LRRC9: variants seen among roughly 807,000 people sequenced by gnomAD.
The protein encoded by LRRC9 is leucine-rich repeat-containing protein 9.
Under a neutral mutation model 63.2 loss-of-function variants are expected in LRRC9, and 122 were observed. The ratio of observed to expected loss-of-function variants is 1.93; its 90% confidence interval spans 1.67 to 2.24. LRRC9 has a LOEUF of 2.24. Ranked by LOEUF, LRRC9 falls within the 30% of genes most tolerant of loss-of-function variation. The probability of loss-of-function intolerance (pLI) is 0.00; values close to 1 mark genes in which losing one functional copy is unlikely to be tolerated. For missense variants in LRRC9, 1,071 were observed against 627.7 expected, an observed-to-expected ratio of 1.71 and a Z score of -7.55; for synonymous variants, 366 against 213.1, an observed-to-expected ratio of 1.72 and a Z score of -6.25.
intron 29 of LRRC9, among the ~76,000 whole-genome samples, chr14:60,033,386 G>T (rs568884288): frequency 4.6e-5 from 7 of 152,064 alleles, no homozygotes; most frequent in Non-Finnish European, 7.4e-5. Flanking sequence ...AATTTCAAAA[G>T]AATGCTTTAA....
intron 13 of LRRC9, among the ~76,000 whole-genome samples, chr14:59,975,105 ATATATATG>A (rs1886034794): frequency 6.7e-5 from 1 of 15,006 alleles, no homozygotes; most frequent in Non-Finnish European, 1.9e-4. Flanking sequence ...ATATATACAT[ATATATATG>A]TATATATATA....
intron 28 of LRRC9, chr14:60,030,377 T>G (rs1891896636): frequency 6.6e-6 from 1 of 152,100 alleles, no homozygotes. Context: ...ATCGTCTTGC[T>G]TCTAAAGGAA....
In LRRC9 at chr14:59,966,361, C is replaced by T. The variant is rs191595634; in HGVS notation, c.1212-228C>T. Among the ~76,000 whole-genome samples, 2 of 152,238 alleles carry T rather than the reference C, an allele frequency of 1.3e-5. No individual in the cohort carries two copies. Among genetic ancestry groups the T allele is most frequent in the African/African-American group, 4.8e-5 (2 of 41,544 alleles). ...GAAGGCGTATGAAGTTTCCCTGAAGCTAAGAAAGTGTTTCAGAAAGTGAAG... is the reference window on the plus strand; with the variant it reads ...GAAGGCGTATGAAGTTTCCCTGAAGTTAAGAAAGTGTTTCAGAAAGTGAAG... On this transcript the variant is annotated intron_variant, in intron 10 of 31. Coordinates refer to ENST00000445360, the Ensembl canonical transcript of LRRC9. This position sits in a 1 kb window ranked among gnomAD's most constrained non-coding sequence, Gnocchi z 4.0.
rs1889659600 is a variant in LRRC9 at position 59,931,039 on chromosome 14, A to G, written c.389A>G (p.Asn130Ser). The G allele has an allele frequency of 1.0e-5, 4 of 392,554 alleles. No homozygotes were observed. In the East Asian group the frequency reaches 1.6e-4, roughly 15 times the overall value. 24.3% of individuals were successfully genotyped at this position (392,554 alleles called of 1,614,324 possible). Residue 130 changes from asparagine (N) to serine (S), a missense_variant, in exon 4 of 32, where the codon AAT becomes AGT. Physicochemically the swap from Asn to Ser is conservative, Grantham distance 46. Transcript: ENST00000445360. ...TTGAAGGTTCTTTGGCTGAACCACA[A>G]TACAATTAAAAATATTGAGGTAAGA...
intron 16 of LRRC9, among the ~76,000 whole-genome samples, chr14:59,983,195 C>T (rs945558025): frequency 3.3e-5 from 5 of 152,164 alleles, no homozygotes; most frequent in Non-Finnish European, 7.3e-5. Context: ...GCAAAATTCA[C>T]ATTATATTCT....
chr14:59,960,927 T>G (rs1288131992), exon 10 of LRRC9: 1 of 674,834 alleles, frequency 1.5e-6, no homozygotes, highest in South Asian at 1.6e-5. Context: ...TGAAGCAATT[T>G]ATCATATTGA....
intron 13 of LRRC9, among the ~76,000 whole-genome samples, chr14:59,975,116 T>A (rs558343906): frequency 5.6e-5 from 1 of 17,918 alleles, no homozygotes; most frequent in Admixed American, 1.3e-3. Flanking sequence ...TATATATGTA[T>A]ATATATATAT....
chr14:59,999,153 T>C (rs1190824651), exon 19 of LRRC9: 1 of 701,246 alleles, frequency 1.4e-6, no homozygotes, highest in Non-Finnish European at 2.6e-6. Context: ...CTTACCCATT[T>C]AAATGGAGTC....
chr14:60,013,850 AC>A (rs1350795795), intron 23 of LRRC9, among the ~76,000 whole-genome samples: 3 of 151,724 alleles, frequency 2.0e-5, no homozygotes, highest in Admixed American at 2.0e-4. Flanking sequence ...ATGTTCTTTT[AC>A]CTTTTAGCTA....
chr14:60,053,999 G>T lies in LRRC9; in HGVS notation c.4131+794G>T, dbSNP rs1894090798. ...TTATGAAGACCTGGACCACGGTAGA[G>T]AATATAAATGAATCTTTGATGTAAG... On this transcript the variant is annotated intron_variant, in intron 30 of 31. Transcript: ENST00000445360. This position sits in a 1 kb window ranked among gnomAD's most constrained non-coding sequence, Gnocchi z 4.8. 2.4e-6 allele frequency: 1 copy of T among 423,996 alleles called. No homozygotes were observed. Among genetic ancestry groups the T allele is most frequent in the South Asian group, 1.7e-5 (1 of 58,124 alleles). The allele number at this position is 423,996 out of a possible 1,614,324, so 26.3% of individuals were successfully genotyped here. A position where few individuals can be genotyped will look rare whatever the true frequency, so the allele number is the denominator to read the frequency against.
rs1427976443 is a variant in LRRC9, at chr14:60,031,260, T to C, written c.3922-735T>C. Among the ~76,000 whole-genome samples, 2 of 152,104 alleles carry C rather than the reference T, an allele frequency of 1.3e-5. No homozygotes were observed. The highest frequency in any genetic ancestry group is 2.9e-5 in the Non-Finnish European group (2 of 67,968). ...CCACATGATCTAAAATAGGTCTAAATATTTTTACAGTTACTAGAAGAATTT... is the reference window on the plus strand; with the variant it reads ...CCACATGATCTAAAATAGGTCTAAACATTTTTACAGTTACTAGAAGAATTT... On this transcript the variant is annotated intron_variant, in intron 28 of 31. Coordinates refer to ENST00000445360, the Ensembl canonical transcript of LRRC9. The surrounding 1 kb of genome is among the most constrained non-coding windows in gnomAD (Gnocchi z 4.6).
At chr14:60,021,274 T>G (rs1891096469) in intron 26 of LRRC9, among the ~76,000 whole-genome samples, 1 of 151,932 alleles carries the variant, frequency 6.6e-6, no homozygotes, top group Non-Finnish European at 1.5e-5. Context: ...ATATGCTTAT[T>G]AATCCTTCAT....
chr14:59,971,152 G>C (rs1459051906), intron 12 of LRRC9, among the ~76,000 whole-genome samples: 4 of 152,122 alleles, frequency 2.6e-5, no homozygotes, highest in Non-Finnish European at 5.9e-5. Context: ...CATATGGCTA[G>C]TCAGTTATCC....
At chr14:60,001,208 G>C (rs1889330678) in intron 19 of LRRC9, among the ~76,000 whole-genome samples, 1 of 152,020 alleles carries the variant, frequency 6.6e-6, no homozygotes, top group South Asian at 2.1e-4. Flanking sequence ...GTGTGTGTGT[G>C]TGTATTCTAC....
At chr14:60,007,875 G>A (rs985984726) in intron 22 of LRRC9, among the ~76,000 whole-genome samples, 4 of 149,536 alleles carry the variant, frequency 2.7e-5, no homozygotes, top group Non-Finnish European at 4.4e-5. Context: ...AGGAGTTTGA[G>A]GCTGCAATGA....
At chr14:60,064,400 A>C (rs1894826393), downstream of LRRC9, among the ~76,000 whole-genome samples, 1 of 152,232 alleles carries the variant, frequency 6.6e-6, no homozygotes, top group Non-Finnish European at 1.5e-5. Flanking sequence ...CTTTCCTTAC[A>C]CGAAAATAAA....
At chr14:60,065,588 C>T (rs1894864754), downstream of LRRC9, among the ~76,000 whole-genome samples, 1 of 131,402 alleles carries the variant, frequency 7.6e-6, no homozygotes, top group Non-Finnish European at 1.6e-5. Flanking sequence ...GCAGAGGTTG[C>T]AGTGAGCTGA....
chr14:59,931,890 G>T (rs886210746), intron 5 of LRRC9, 79 bp from the exon 6 acceptor site: 1 of 657,416 alleles, frequency 1.5e-6, no homozygotes, highest in African/African-American at 1.8e-5. Flanking sequence ...AAGAAACGAT[G>T]GCTACATACA....
intron 23 of LRRC9, among the ~76,000 whole-genome samples, chr14:60,013,278 A>C (rs1890406950): frequency 6.6e-6 from 1 of 152,242 alleles, no homozygotes; most frequent in African/African-American, 2.4e-5. Flanking sequence ...CTGCCTAAAC[A>C]AGTCTGACAT....
Sources: allele counts gnomAD v4.1 joint callset (sites outside exome capture counted in the v4.1 genomes callset), GRCh38; gene constraint gnomAD v4.1.1; non-coding constraint Gnocchi (gnomAD v3.1); transcripts MANE v1.5; gene names NCBI Gene and HGNC (gene_info 2026-07-23, HGNC 2026-07-21).